Variants in ANO1 observed in about 807,000 individuals in gnomAD.
ANO1 encodes the protein anoctamin-1.
A neutral mutation model predicts 124.0 loss-of-function variants in ANO1; 59 were observed. The ratio of observed to expected loss-of-function variants is 0.48; its 90% CI spans 0.39 to 0.59. The LOEUF is 0.59. ANO1 is among the 20% of genes least tolerant of loss of function. The pLI, the probability that ANO1 is intolerant of heterozygous loss-of-function variation, is 0.00. For missense variants in ANO1, 1,059 were observed against 1,328.0 expected (o/e 0.80, Z 3.15); for synonymous variants, 529 against 532.0 (o/e 0.99, Z 0.08).
the ANO1 span, among the ~76,000 whole-genome samples, chr11:69,968,659 G>T: frequency 6.6e-6 from 1 of 152,180 alleles, no homozygotes; most frequent in Non-Finnish European, 1.5e-5. Context: ...CGGTGGCATC[G>T]CTCTGTCATT....
At chr11:69,980,342 G>A in the ANO1 span, among the ~76,000 whole-genome samples, 4 of 152,116 alleles carry the variant, frequency 2.6e-5, no homozygotes, top group Non-Finnish European at 4.4e-5. Flanking sequence ...AAGTTGTAGG[G>A]GCCAGGCATG....
At chr11:69,971,136 A>G in the ANO1 span, among the ~76,000 whole-genome samples, 1 of 152,236 alleles carries the variant, frequency 6.6e-6, no homozygotes, top group African/African-American at 2.4e-5. Flanking sequence ...ACACAGGTTC[A>G]GGACAGAATT....
chr11:70,028,231 TG>T (rs1856943116), intron 1 of ANO1, among the ~76,000 whole-genome samples: 1 of 152,214 alleles, frequency 6.6e-6, no homozygotes, highest in South Asian at 2.1e-4. Context: ...AGGCAGTGCC[TG>T]GGGATTTAAT....
Position 70,028,261 on chromosome 11 carries a change from C to T in ANO1, c.58+42095C>T, listed in dbSNP as rs74605928. On this transcript the variant is annotated intron_variant, in intron 1 of 27. Coordinates refer to the ANO1 transcript ENST00000531349. ...ATTTAATGTTTATTTCAAGGGGGAC[C>T]GCTGGGTTCAGTCCCCTCCCCGCTC... 9.9e-3 allele frequency among the ~76,000 whole-genome samples: 1,505 copies of T among 152,254 alleles called. 26 individuals carry two copies. The highest frequency in any genetic ancestry group is 0.034 in the African/African-American group (1,416 of 41,536).
At chr11:70,171,336 T>C (rs532583715) in intron 22 of ANO1, among the ~76,000 whole-genome samples, 8 of 152,286 alleles carry the variant, frequency 5.3e-5, no homozygotes, top group African/African-American at 1.4e-4. Context: ...TACAAGAGAC[T>C]ACATTTCCTC....
chr11:69,989,652 TG>T (rs1554997232), intron 1 of ANO1, among the ~76,000 whole-genome samples: 1 of 152,130 alleles, frequency 6.6e-6, no homozygotes, highest in Non-Finnish European at 1.5e-5. Context: ...GGAAGGGACC[TG>T]AGCTGACTTG....
intron 1 of ANO1, among the ~76,000 whole-genome samples, chr11:70,042,547 T>TAGAG (rs1857200732): frequency 8.1e-6 from 1 of 123,272 alleles, no homozygotes; most frequent in South Asian, 3.0e-4. Flanking sequence ...GATTGAGAGA[T>TAGAG]TGAGAGAGAG....
intron 2 of ANO1, among the ~76,000 whole-genome samples, chr11:70,102,325 C>T (rs900458908): frequency 2.6e-5 from 4 of 152,168 alleles, no homozygotes; most frequent in Admixed American, 1.3e-4. Flanking sequence ...TTGATGGAGT[C>T]GGTTCTCATG....
intron 11 of ANO1, among the ~76,000 whole-genome samples, chr11:70,133,068 C>T (rs888922333): frequency 2.0e-5 from 3 of 152,140 alleles, no homozygotes; most frequent in Non-Finnish European, 4.4e-5. Context: ...CGTCCCACCT[C>T]GTACCCCTGC....
At chr11:70,158,020 T>C (rs1295710427) in intron 16 of ANO1, among the ~76,000 whole-genome samples, 2 of 151,862 alleles carry the variant, frequency 1.3e-5, no homozygotes, top group East Asian at 3.8e-4. Flanking sequence ...ATGTTTATTT[T>C]GTGACCAAAA....
In ANO1 at chr11:70,179,956, G is replaced by T; in HGVS notation, c.2351-48G>T. ...CAGACTGCTGCCTGGTAGCTGGAAT[G>T]ACTGAGAGTGTAGGGCTCTTTAAAA... On this transcript the variant is annotated intron_variant, in intron 22 of 25. Transcript: ENST00000355303. 4 of 1,558,364 alleles carry T rather than the reference G, an allele frequency of 2.6e-6. No individual in the cohort carries two copies. The South Asian group carries it at 4.5e-5, about 17-fold the overall frequency.
intron 16 of ANO1, among the ~76,000 whole-genome samples, chr11:70,159,731 TCACC>T (rs1454956668): frequency 6.6e-6 from 1 of 152,026 alleles, no homozygotes; most frequent in African/African-American, 2.4e-5. Flanking sequence ...CCTCGCTGAG[TCACC>T]CACAGGCCTG....
intron 1 of ANO1, among the ~76,000 whole-genome samples, chr11:70,004,784 G>A (rs1041286024): frequency 2.6e-5 from 4 of 152,174 alleles, no homozygotes; most frequent in South Asian, 2.1e-4. Flanking sequence ...TTACACTAGC[G>A]CACCTTTGAA....
the ANO1 span, among the ~76,000 whole-genome samples, chr11:69,969,071 C>T: frequency 5.3e-5 from 8 of 152,300 alleles, no homozygotes; most frequent in East Asian, 1.9e-4. Context: ...TGAAGCCAGC[C>T]GTGGTCTTTC....
intron 1 of ANO1, among the ~76,000 whole-genome samples, chr11:70,043,231 G>A (rs1012408335): frequency 2.6e-5 from 4 of 152,050 alleles, no homozygotes; most frequent in Admixed American, 6.6e-5. Context: ...GATAGGGTAC[G>A]GCAGAAGAAA....
rs202001305 is a variant in ANO1, at chr11:69,987,604, C to CAAAAAAAA, written c.58+1463_58+1470dup. ...TGGGTAACAGAGCAAGACCATGTCTCAAAAAAAAAAAAAAAAAAAAAAAAA... is the reference window on the plus strand; with the variant it reads ...TGGGTAACAGAGCAAGACCATGTCTCAAAAAAAAAAAAAAAAAAAAAAAAAAAAAAAAA... On this transcript the variant is annotated intron_variant, in intron 1 of 27. Transcript: ENST00000531349. 4.1e-4 allele frequency among the ~76,000 whole-genome samples: 45 copies of CAAAAAAAA among 109,720 alleles called. 3 individuals carry two copies. The highest frequency in any genetic ancestry group is 1.9e-3 in the African/African-American group (45 of 23,340). The allele number at this position is 109,720 out of a possible 152,430, so 72.0% of individuals were successfully genotyped here. A position where few individuals can be genotyped will look rare whatever the true frequency, so the allele number is the denominator to read the frequency against.
At chr11:70,120,024 C>T (rs894159993) in intron 8 of ANO1, among the ~76,000 whole-genome samples, 3 of 152,014 alleles carry the variant, frequency 2.0e-5, no homozygotes, top group Admixed American at 6.5e-5. Context: ...CAGCCTGGTG[C>T]CAAGTTTTTG....
intron 1 of ANO1, among the ~76,000 whole-genome samples, chr11:70,024,219 G>T (rs1387111361): frequency 2.6e-5 from 4 of 152,200 alleles, no homozygotes; most frequent in Admixed American, 2.0e-4. Context: ...TGACGGTCCT[G>T]CCTGAGGTCT....
intron 1 of ANO1, among the ~76,000 whole-genome samples, chr11:70,030,881 G>A (rs907852897): frequency 2.6e-5 from 4 of 152,134 alleles, no homozygotes; most frequent in South Asian, 2.1e-4. Flanking sequence ...AACACCCCCC[G>A]TTTTAATTGA....
Sources: allele counts gnomAD v4.1 joint callset (sites outside exome capture counted in the v4.1 genomes callset), GRCh38; gene constraint gnomAD v4.1.1; transcripts MANE v1.5; gene names NCBI Gene and HGNC (gene_info 2026-07-23, HGNC 2026-07-21).